Variants in PPFIA2 observed in about 807,000 individuals in gnomAD.
PPFIA2 encodes the protein PPFI scaffold protein A2.
Under a neutral mutation model 175.5 loss-of-function variants are expected in PPFIA2, and 46 were observed. The observed-to-expected ratio is 0.26, with a 90% confidence interval of 0.21 to 0.34. The LOEUF (loss-of-function observed/expected upper bound fraction) is 0.34, where lower values mean the gene tolerates loss of function less well. Among genes scored for constraint, PPFIA2 ranks in the 10% least tolerant of loss-of-function variants. PPFIA2 has a pLI of 1.00. For missense variants in PPFIA2, 1,179 were observed against 1,506.1 expected, an observed-to-expected ratio of 0.78 and a Z score of 3.60; for synonymous variants, 568 against 511.4, an observed-to-expected ratio of 1.11 and a Z score of -1.49.
chr12:81,610,022 T>C (rs1055311454), intron 4 of PPFIA2, among the ~76,000 whole-genome samples: 1 of 152,166 alleles, frequency 6.6e-6, no homozygotes, highest in Non-Finnish European at 1.5e-5. Flanking sequence ...TATTTCTCCT[T>C]CAATTATGAA....
At position 81,375,177 on chromosome 12, in the gene PPFIA2, A is replaced by C. The variant is rs570847386; in HGVS notation, c.1132-409T>G. On this transcript the variant is annotated intron_variant, in intron 10 of 32. Coordinates refer to ENST00000549396, the MANE Select transcript of PPFIA2 (RefSeq NM_003625.5). Reference sequence around the variant, plus strand: ...GATAAGGTTGACAAACATTTTCTGTAACAGGTCAGATAGTAAAAATGTTAG... The same window carrying C: ...GATAAGGTTGACAAACATTTTCTGTCACAGGTCAGATAGTAAAAATGTTAG... Among the ~76,000 whole-genome samples the C allele has an allele frequency of 3.3e-5, 5 of 152,276 alleles. No homozygotes were observed. The South Asian group carries it at 1.0e-3, about 32-fold the overall frequency.
At chr12:81,267,052 G>A in intron 29 of PPFIA2, 32 bp from the exon 30 acceptor site, 11 of 1,465,996 alleles carry the variant, frequency 7.5e-6, no homozygotes, top group Middle Eastern at 1.7e-4. Flanking sequence ...TACCATCACC[G>A]AAATCACATT....
chr12:81,276,742 T>G (rs2040629911), intron 28 of PPFIA2, among the ~76,000 whole-genome samples: 1 of 152,174 alleles, frequency 6.6e-6, no homozygotes, highest in South Asian at 2.1e-4. Flanking sequence ...TAAAACATTT[T>G]TCTGCACATA....
chr12:81,473,732 T>C (rs2057092692), intron 4 of PPFIA2, among the ~76,000 whole-genome samples: 1 of 152,166 alleles, frequency 6.6e-6, no homozygotes, highest in South Asian at 2.1e-4. Context: ...GTATAGATCA[T>C]AGTCCAAGTT....
Position 81,339,257 on chromosome 12 carries a change from G to T in PPFIA2, c.2471C>A (p.Ala824Asp). Residue 824 changes from alanine (A) to aspartate (D), a missense_variant, in exon 21 of 33, where the codon GCC (alanine) becomes GAC (aspartate). Physicochemically the swap from Ala to Asp is moderately radical, Grantham distance 126. This residue lies in a region of PPFIA2 where 223 missense variants were observed against 241.6 expected (regional missense o/e 0.92). Coordinates refer to ENST00000549396, the MANE Select transcript of PPFIA2 (RefSeq NM_003625.5). ...AGACTTGATTCCTTTCTTCTTGGGGGCTTTGTGAAGAGAGTCTTGGCTGCT... is the reference window on the plus strand; with the variant it reads ...AGACTTGATTCCTTTCTTCTTGGGGTCTTTGTGAAGAGAGTCTTGGCTGCT... The part of the protein sequence containing the change: ...ANSSQDSLHK[A>D]PKKKGIKSSI... The T allele has an allele frequency of 1.9e-6, 3 of 1,610,692 alleles. No individual in the cohort carries two copies. Among genetic ancestry groups the T allele is most frequent in the Non-Finnish European group, 2.5e-6 (3 of 1,178,224 alleles).
chr12:81,501,843 G>C (rs566561583), intron 4 of PPFIA2, among the ~76,000 whole-genome samples: 2 of 152,208 alleles, frequency 1.3e-5, no homozygotes, highest in South Asian at 4.2e-4. Context: ...TCCTAACACT[G>C]CTATTGTCAA....
At chr12:81,598,265 C>A in intron 4 of PPFIA2, 10 of 1,265,472 alleles carry the variant, frequency 7.9e-6, no homozygotes, top group South Asian at 2.4e-5. Context: ...CTAGAACATA[C>A]AATGTTTTTT....
At chr12:81,418,773 T>C (rs932199601) in intron 7 of PPFIA2, among the ~76,000 whole-genome samples, 1 of 151,980 alleles carries the variant, frequency 6.6e-6, no homozygotes, top group Non-Finnish European at 1.5e-5. Context: ...GAGTTTTAGG[T>C]TTATACGTTG....
chr12:81,616,838 T>C (rs2061462474), intron 4 of PPFIA2, among the ~76,000 whole-genome samples: 1 of 152,202 alleles, frequency 6.6e-6, no homozygotes, highest in African/African-American at 2.4e-5. Flanking sequence ...GACAGCATTA[T>C]ACACACTGGC....
chr12:81,466,450 G>C (rs962685521), intron 4 of PPFIA2, among the ~76,000 whole-genome samples: 1 of 152,058 alleles, frequency 6.6e-6, no homozygotes, highest in Non-Finnish European at 1.5e-5. Context: ...TCAAAAAGTG[G>C]ATGTTTGTGG....
At chr12:81,588,525 C>G (rs2075597030) in intron 4 of PPFIA2, among the ~76,000 whole-genome samples, 1 of 151,976 alleles carries the variant, frequency 6.6e-6, no homozygotes, top group South Asian at 2.1e-4. Flanking sequence ...GAGAGCCAAA[C>G]CTGTGTTTCC....
chr12:81,494,370 A>C (rs933686339), intron 4 of PPFIA2, among the ~76,000 whole-genome samples: 1 of 152,210 alleles, frequency 6.6e-6, no homozygotes, highest in Non-Finnish European at 1.5e-5. Context: ...CCATCAGAGA[A>C]ATGCAAATCA....
intron 17 of PPFIA2, among the ~76,000 whole-genome samples, chr12:81,348,378 G>T (rs2059428050): frequency 6.6e-6 from 1 of 152,002 alleles, no homozygotes. Flanking sequence ...ACCAGAAAAG[G>T]TAATAATGTG....
intron 22 of PPFIA2, among the ~76,000 whole-genome samples, chr12:81,301,433 G>A (rs2047809720): frequency 6.6e-6 from 1 of 152,076 alleles, no homozygotes; most frequent in Non-Finnish European, 1.5e-5. Flanking sequence ...TTTCAGAAGT[G>A]TATTCTATGA....
At chr12:81,492,374 C>T (rs2059514701) in intron 4 of PPFIA2, among the ~76,000 whole-genome samples, 1 of 151,898 alleles carries the variant, frequency 6.6e-6, no homozygotes, top group Non-Finnish European at 1.5e-5. Flanking sequence ...ACTCCTTGCC[C>T]CTAGGGAGCT....
intron 3 of PPFIA2, among the ~76,000 whole-genome samples, chr12:81,739,098 T>A (rs966956505): frequency 6.6e-6 from 1 of 151,816 alleles, no homozygotes; most frequent in Non-Finnish European, 1.5e-5. Flanking sequence ...ATGCTAAAAA[T>A]AAAAGAATTG....
intron 4 of PPFIA2, among the ~76,000 whole-genome samples, chr12:81,634,397 T>G (rs2063751148): frequency 6.6e-6 from 1 of 152,082 alleles, no homozygotes; most frequent in Non-Finnish European, 1.5e-5. Flanking sequence ...TGTTTCATTT[T>G]GTATTCTTTA....
chr12:81,494,064 A>C (rs1168510820), intron 4 of PPFIA2, among the ~76,000 whole-genome samples: 3 of 152,016 alleles, frequency 2.0e-5, no homozygotes, highest in Non-Finnish European at 4.4e-5. Context: ...CACCAAAAGC[A>C]ATGGCAACAA....
chr12:81,453,376 T>C (rs1022899269), intron 5 of PPFIA2, among the ~76,000 whole-genome samples: 6 of 152,232 alleles, frequency 3.9e-5, no homozygotes, highest in Admixed American at 1.3e-4. Context: ...GCAATAACTA[T>C]ACAAAAATTC....
Sources: allele counts gnomAD v4.1 joint callset (sites outside exome capture counted in the v4.1 genomes callset), GRCh38; gene constraint gnomAD v4.1.1; regional missense constraint gnomAD v4.1.1; transcripts MANE v1.5; gene names NCBI Gene and HGNC (gene_info 2026-07-23, HGNC 2026-07-21).